The following TRIM16 variants were observed in gnomAD, a reference collection of about 807,000 sequenced individuals.
The protein encoded by TRIM16 is tripartite motif containing 16.
TRIM16 carries 33 observed loss-of-function variants against 50.4 expected under a neutral mutation model. The ratio of observed to expected loss-of-function variants is 0.65; its 90% CI spans 0.50 to 0.88. The LOEUF is 0.88. Ranked by LOEUF, TRIM16 falls within the 40% of genes least tolerant of loss-of-function variation. The pLI, the probability that TRIM16 is intolerant of heterozygous loss-of-function variation, is 0.00. For missense variants in TRIM16, 581 were observed against 686.8 expected (o/e 0.85, Z 1.72); for synonymous variants, 229 against 270.7 (o/e 0.85, Z 1.51).
At chr17:15,659,601 T>C (rs1988130433) in intron 6 of TRIM16, among the ~76,000 whole-genome samples, 3 of 152,202 alleles carry the variant, frequency 2.0e-5, no homozygotes, top group African/African-American at 7.2e-5. Context: ...ATCACACAAA[T>C]CTAACTCTAG....
intron 6 of TRIM16, among the ~76,000 whole-genome samples, chr17:15,667,445 T>C (rs1029001116): frequency 3.9e-5 from 6 of 152,238 alleles, no homozygotes; most frequent in African/African-American, 1.2e-4. Context: ...CATGACTTTA[T>C]AACATTCTAA....
Position 15,636,200 on chromosome 17 carries a change from C to G in TRIM16, c.685G>C (p.Ala229Pro). 6.2e-7 allele frequency: 1 copy of G among 1,609,504 alleles called. No homozygotes were observed. The highest frequency in any genetic ancestry group is 2.3e-5 in the East Asian group (1 of 43,804). ...AAGAAGAGCATCACATTGGCCTGGG[C>G]CTTCCTCACAGCAGCAAGGAGTTCC... ...FGELLAAVRK[A>P]QANVMLFLEE... The change falls in exon 9 of 12, where the codon GCC becomes CCC. Residue 229 changes from alanine to proline, a missense_variant. Ala to Pro is a conservative substitution (Grantham distance 27). Transcript: ENST00000649191.
chr17:15,644,317 C>A (rs1243563226), intron 7 of TRIM16, among the ~76,000 whole-genome samples: 8 of 152,106 alleles, frequency 5.3e-5, no homozygotes, highest in Non-Finnish European at 8.8e-5. Context: ...TCCCGAGGAG[C>A]TGGGACTACA....
At position 15,651,563 on chromosome 17, in the gene TRIM16, G is replaced by A. The variant is rs979425935; in HGVS notation, c.47C>T (p.Thr16Ile). Residue 16 changes from threonine to isoleucine, a missense_variant, in exon 7 of 12, where the codon ACT becomes ATT. Thr to Ile is a moderately conservative substitution (Grantham distance 89). Around this residue, in one of 3 missense-constraint regions of TRIM16, gnomAD observed 450 missense variants for 544.3 expected, o/e 0.83. Coordinates refer to ENST00000649191, the MANE Select transcript of TRIM16 (RefSeq NM_001348119.1). ...LMAPGPLPRA[T>I]AQPPAPLSPD... ...GCTGAGAGGGGCTGGGGGCTGAGCA[G>A]TGGCCCTGGGCAGTGGCCCTGGAGC... 1.9e-6 allele frequency: 3 copies of A among 1,613,724 alleles called. No homozygotes were observed. The highest frequency in any genetic ancestry group is 2.7e-5 in the African/African-American group (2 of 74,932).
intron 6 of TRIM16, among the ~76,000 whole-genome samples, chr17:15,675,941 TG>T (rs1988922988): frequency 6.6e-6 from 1 of 151,716 alleles, no homozygotes; most frequent in African/African-American, 2.4e-5. Context: ...TTGTGCTCTT[TG>T]GGTGATATTA....
intron 6 of TRIM16, among the ~76,000 whole-genome samples, chr17:15,655,825 C>T (rs567117151): frequency 6.6e-6 from 1 of 152,304 alleles, no homozygotes; most frequent in Non-Finnish European, 1.5e-5. Context: ...CTGCCCGCCT[C>T]GGCCTCCCAA....
At chr17:15,668,968 G>C (rs1597663164) in intron 6 of TRIM16, among the ~76,000 whole-genome samples, 1 of 151,122 alleles carries the variant, frequency 6.6e-6, no homozygotes, top group Non-Finnish European at 1.5e-5. Flanking sequence ...AATAAAAAGT[G>C]GAAAAAGGAA....
chr17:15,631,994 T>C (rs1179016481), intron 10 of TRIM16: 1 of 453,150 alleles, frequency 2.2e-6, no homozygotes, highest in Non-Finnish European at 4.0e-6. Context: ...TCGCATAATA[T>C]AAGCATGACT....
At chr17:15,633,703 G>T (rs1986553492) in intron 9 of TRIM16, among the ~76,000 whole-genome samples, 1 of 146,412 alleles carries the variant, frequency 6.8e-6, no homozygotes, top group Non-Finnish European at 1.5e-5. Context: ...ACCATGCCTG[G>T]CTAATTTTTT....
At position 15,640,051 on chromosome 17, in the gene TRIM16, T is replaced by G. The variant is rs1000805053; in HGVS notation, c.615+2670A>C. 1.2e-3 allele frequency among the ~76,000 whole-genome samples: 176 copies of G among 149,446 alleles called. 12 individuals carry two copies. Among genetic ancestry groups the G allele is most frequent in the African/African-American group, 4.1e-3 (165 of 40,372 alleles). On this transcript the variant is annotated intron_variant, in intron 8 of 11. Coordinates refer to ENST00000649191, the MANE Select transcript of TRIM16 (RefSeq NM_001348119.1). Reference sequence around the variant, plus strand: ...AGGTAGGTACTATTAGGGTCTCCATTTCTTAGATAAGGAAACTAAGACAGT... The same window carrying G: ...AGGTAGGTACTATTAGGGTCTCCATGTCTTAGATAAGGAAACTAAGACAGT...
chr17:15,644,820 T>C (rs1471058229), intron 7 of TRIM16, among the ~76,000 whole-genome samples: 1 of 150,634 alleles, frequency 6.6e-6, no homozygotes, highest in African/African-American at 2.5e-5. Context: ...GTTGTTGTTC[T>C]TTGTTTGTTT....
At chr17:15,679,671 C>T (rs1989097030) in intron 4 of TRIM16, among the ~76,000 whole-genome samples, 1 of 152,230 alleles carries the variant, frequency 6.6e-6, no homozygotes, top group Non-Finnish European at 1.5e-5. Context: ...GGCGTGGTGG[C>T]TCACGCCTGT....
intron 7 of TRIM16, 183 bp from the exon 8 acceptor site, chr17:15,642,999 C>T: frequency 1.7e-6 from 1 of 577,532 alleles, no homozygotes; most frequent in East Asian, 9.3e-5. Flanking sequence ...CCTCCTGGGG[C>T]TGCAGTCAGC....
chr17:15,675,770 T>G (rs188349700), intron 6 of TRIM16: 1 of 158,182 alleles, frequency 6.3e-6, no homozygotes, highest in South Asian at 2.0e-4. Flanking sequence ...CATACGTATG[T>G]GTATATACAC....
chr17:15,648,203 G>T (rs1308504517), intron 7 of TRIM16, among the ~76,000 whole-genome samples: 1 of 150,324 alleles, frequency 6.7e-6, no homozygotes, highest in Non-Finnish European at 1.5e-5. Flanking sequence ...TCCAGCCTGG[G>T]TGACAGAGCG....
chr17:15,649,911 A>ACAGGAG (rs1280389435), intron 7 of TRIM16, among the ~76,000 whole-genome samples: 1 of 152,204 alleles, frequency 6.6e-6, no homozygotes, highest in Non-Finnish European at 1.5e-5. Flanking sequence ...TTCCTCAACT[A>ACAGGAG]CAGGAGCTTT....
rs569933100 is a variant in TRIM16 at position 15,636,242 on chromosome 17, C to T, written c.643G>A (p.Ala215Thr). ...LVSVSEVKAV[A>T]EMQFGELLAA... ...AGGAGTTCCCCAAACTGCATTTCAG[C>T]CACCGCTTTGACCTCTGACACCGAC... The change falls in exon 9 of 12, where the codon GCT becomes ACT. Residue 215 changes from alanine (A) to threonine (T), a missense_variant. By Grantham distance (58) the Ala-to-Thr change is moderately conservative (BLOSUM62 0). This residue lies in a region of TRIM16 where 450 missense variants were observed against 544.3 expected (regional missense o/e 0.83). Transcript: ENST00000649191. 30 of 1,608,658 alleles carry T rather than the reference C, an allele frequency of 1.9e-5. 1 individual carries two copies. In the South Asian group the frequency reaches 3.1e-4, roughly 17 times the overall value.
chr17:15,636,875 C>T (rs1986776059), intron 8 of TRIM16, among the ~76,000 whole-genome samples: 1 of 149,386 alleles, frequency 6.7e-6, no homozygotes, highest in Non-Finnish European at 1.5e-5. Flanking sequence ...AAAGAAAACC[C>T]ATGTGAGAAA....
chr17:15,639,150 G>A (rs9907359), intron 8 of TRIM16, among the ~76,000 whole-genome samples: 2,646 of 131,484 alleles, frequency 0.02, 236 homozygotes, highest in African/African-American at 0.079. Flanking sequence ...AGGCTCAAAC[G>A]ATCTTCCACC....
Sources: allele counts gnomAD v4.1 joint callset (sites outside exome capture counted in the v4.1 genomes callset), GRCh38; gene constraint gnomAD v4.1.1; regional missense constraint gnomAD v4.1.1; transcripts MANE v1.5; gene names NCBI Gene and HGNC (gene_info 2026-07-23, HGNC 2026-07-21).